The following S100PBP variants were observed in gnomAD, a reference collection of about 807,000 sequenced individuals.
S100PBP encodes S100P binding protein, also known as S100P-binding protein.
Under a neutral mutation model 39.9 loss-of-function variants are expected in S100PBP, and 15 were observed. The observed-to-expected ratio is 0.38, with a 90% CI of 0.25 to 0.58. S100PBP has a LOEUF of 0.58. S100PBP is among the 20% of genes least tolerant of loss of function. S100PBP has a pLI of 0.70. For synonymous variants in S100PBP, 178 were observed against 180.3 expected (o/e 0.99, Z 0.10); for missense variants, 504 against 487.3 (o/e 1.03, Z -0.32).
Position 32,826,749 on chromosome 1 carries a change from A to G in S100PBP, c.650A>G (p.Asn217Ser), listed in dbSNP as rs376603700. 5.6e-6 allele frequency: 9 copies of G among 1,614,004 alleles called. No homozygotes were observed. Among genetic ancestry groups the G allele is most frequent in the Admixed American group, 1.7e-5 (1 of 60,000 alleles). Residue 217 changes from asparagine to serine, a missense_variant, in exon 3 of 7, where the codon AAT (asparagine) becomes AGT (serine). Coordinates refer to ENST00000373475, the MANE Select transcript of S100PBP (RefSeq NM_022753.4). ...GGGCCCCAGCTCTCTTCTTCAAACA[A>G]TAACTTTCAACAGACTGTCTCTGAT... ...WNGPQLSSSN[N>S]NFQQTVSDKN...
chr1:32,826,028 C>G, intron 2 of S100PBP, 70 bp from the exon 3 acceptor site: 2 of 1,045,982 alleles, frequency 1.9e-6, no homozygotes, highest in Non-Finnish European at 2.8e-6. Flanking sequence ...ACATTACCCA[C>G]ATATAGTGGA....
chr1:32,836,332 A>G (rs1011149847), intron 5 of S100PBP: 5 of 154,378 alleles, frequency 3.2e-5, no homozygotes, highest in African/African-American at 9.6e-5. Flanking sequence ...GGGTTTTGCC[A>G]TGTTGGTCAG....
At chr1:32,817,421 C>A, upstream of S100PBP, 1 of 729,262 alleles carries the variant, frequency 1.4e-6, no homozygotes, top group Non-Finnish European at 2.3e-6. Context: ...AAGTGAGGAG[C>A]AGCAGAGAGT....
rs1329823607 is a variant in S100PBP at position 32,826,647 on chromosome 1, A to G, written c.548A>G (p.Glu183Gly). The change falls in exon 3 of 7, where the codon GAA becomes GGA. Residue 183 changes from glutamate (E) to glycine (G), a missense_variant. Coordinates refer to ENST00000373475, the MANE Select transcript of S100PBP (RefSeq NM_022753.4). The stretch of plus-strand genomic sequence containing the variant: ...TCTTCCCTTGGAGAAGAGATGAGAG[A>G]AGATGGTCTTAGCCCAAATGAAAGC... ...KLSSLGEEMR[E>G]DGLSPNESKL... 1 of 1,614,200 alleles carries G rather than the reference A, an allele frequency of 6.2e-7. No individual in the cohort carries two copies.
rs762672193 is a variant in S100PBP at position 32,826,817 on chromosome 1, C to T, written c.718C>T (p.Arg240Trp). 65 of 1,613,674 alleles carry T rather than the reference C, an allele frequency of 4.0e-5. No homozygotes were observed. The highest frequency in any genetic ancestry group is 3.3e-4 in the African/African-American group (25 of 74,898). ...DSENPTSVFS[R>W]ISDHSETPNM... ...TGAGAACCCTACGTCTGTATTCTCT[C>T]GGATCTCAGACCATTCAGAGACTCC... Residue 240 changes from arginine (R) to tryptophan (W), a missense_variant, in exon 3 of 7, where the codon CGG becomes TGG. By Grantham distance (101) the Arg-to-Trp change is moderately radical. Transcript: ENST00000373475.
rs535142542 is a variant in S100PBP, at chr1:32,821,140, C to G, written c.-120+3451C>G. ...GTAGCCTAAGATGAGATATTGTTTT[C>G]TTAAGAAATAAAACATTGGCCGGGC... On this transcript the variant is annotated intron_variant, in intron 1 of 6. Transcript: ENST00000373475. Among the ~76,000 whole-genome samples, 8 of 151,136 alleles carry G rather than the reference C, an allele frequency of 5.3e-5. No homozygotes were observed. In the South Asian group the frequency reaches 1.7e-3, roughly 32 times the overall value.
chr1:32,853,072 A>G lies in S100PBP; in HGVS notation c.1025-7A>G. The stretch of plus-strand genomic sequence containing the variant: ...TGTTCCTAACCACTGATCCCTCTGT[A>G]TCACAGGTATCTCGGGGGAGCTTTG... On this transcript the variant is annotated splice_polypyrimidine_tract_variant and splice_region_variant and intron_variant, in intron 5 of 6. Transcript: ENST00000373475. 1 of 1,605,768 alleles carries G rather than the reference A, an allele frequency of 6.2e-7. No homozygotes were observed. Among genetic ancestry groups the G allele is most frequent in the Non-Finnish European group, 8.5e-7 (1 of 1,172,830 alleles).
At chr1:32,825,021 C>A (rs1312245152) in intron 1 of S100PBP, 1 of 151,984 alleles carries the variant, frequency 6.6e-6, no homozygotes, top group African/African-American at 2.4e-5. Flanking sequence ...CAGGACTACA[C>A]CCCAGGTCTT....
At chr1:32,826,985 G>C in intron 3 of S100PBP, 55 bp downstream of exon 3, 1 of 1,246,284 alleles carries the variant, frequency 8.0e-7, no homozygotes, top group East Asian at 2.5e-5. Flanking sequence ...TTATTCAGAT[G>C]TATAGCAGAG....
At chr1:32,817,559 C>G (rs1249337932), upstream of S100PBP, 1 of 536,452 alleles carries the variant, frequency 1.9e-6, no homozygotes, top group Non-Finnish European at 3.4e-6. Context: ...CCAATCACTG[C>G]TGGTTTGCCC....
chr1:32,819,192 A>G (rs1247531119), intron 1 of S100PBP, among the ~76,000 whole-genome samples: 1 of 152,232 alleles, frequency 6.6e-6, no homozygotes, highest in Non-Finnish European at 1.5e-5. Context: ...GTGGAAGGAC[A>G]GAATGGGGTC....
In S100PBP at chr1:32,853,061, GA is replaced by G. The variant is rs759779906; in HGVS notation, c.1025-17del. ...GTTCACTCAGCTGTTCCTAACCACT[GA>G]TCCCTCTGTATCACAGGTATCTCGG... On this transcript the variant is annotated splice_polypyrimidine_tract_variant and intron_variant, in intron 5 of 6. Coordinates refer to ENST00000373475, the MANE Select transcript of S100PBP (RefSeq NM_022753.4). 5 of 1,584,768 alleles carry G rather than the reference GA, an allele frequency of 3.2e-6. No individual in the cohort carries two copies. In the South Asian group the frequency reaches 4.4e-5, roughly 14 times the overall value.
chr1:32,844,862 T>A (rs531606679), intron 5 of S100PBP, among the ~76,000 whole-genome samples: 18 of 151,616 alleles, frequency 1.2e-4, no homozygotes, highest in African/African-American at 4.3e-4. Context: ...GGACTCTCGC[T>A]CTGTTGCCCA....
intron 5 of S100PBP, among the ~76,000 whole-genome samples, chr1:32,838,143 C>A (rs920197579): frequency 2.6e-5 from 4 of 151,584 alleles, no homozygotes; most frequent in African/African-American, 9.7e-5. Context: ...AGATCGAGAC[C>A]ATCCTGGCTA....
chr1:32,838,202 G>C (rs192338956), intron 5 of S100PBP, among the ~76,000 whole-genome samples: 5 of 151,770 alleles, frequency 3.3e-5, no homozygotes, highest in African/African-American at 1.2e-4. Flanking sequence ...TTAGCTGCGC[G>C]TGGCTCCTGT....
intron 1 of S100PBP, among the ~76,000 whole-genome samples, chr1:32,824,205 C>CAAA (rs35200829): frequency 1.5e-5 from 2 of 129,442 alleles, no homozygotes; most frequent in Non-Finnish European, 1.6e-5. Flanking sequence ...GACTCCGTCT[C>CAAA]AAAAAAAAAA....
chr1:32,847,124 A>T (rs564599681), intron 5 of S100PBP, among the ~76,000 whole-genome samples: 2 of 152,292 alleles, frequency 1.3e-5, no homozygotes, highest in South Asian at 2.1e-4. Flanking sequence ...AATAGGAAAA[A>T]TAGCCTTTTA....
At chr1:32,843,900 C>T (rs1159346164) in intron 5 of S100PBP, among the ~76,000 whole-genome samples, 4 of 151,266 alleles carry the variant, frequency 2.6e-5, no homozygotes, top group Non-Finnish European at 5.9e-5. Context: ...GATCTTTTCC[C>T]ATCCCCTTGT....
chr1:32,817,542 T>C (rs1166315348), upstream of S100PBP: 4 of 565,712 alleles, frequency 7.1e-6, no homozygotes, highest in South Asian at 2.1e-5. Context: ...GGCGGGACGG[T>C]TTCCTGCCAA....
Sources: gnomAD v4.1 joint callset for allele counts (sites outside exome capture counted in the v4.1 genomes callset) on GRCh38, gnomAD v4.1.1 for gene constraint, MANE v1.5 for transcripts, NCBI Gene and HGNC (gene_info 2026-07-23, HGNC 2026-07-21) for gene names.